Variants in HUNK observed in about 807,000 individuals in gnomAD.
HUNK encodes the protein hormonally up-regulated neu tumor-associated kinase.
HUNK carries 21 observed loss-of-function variants against 61.0 expected under a neutral mutation model. The observed-to-expected ratio is 0.34, with a 90% confidence interval of 0.24 to 0.50. HUNK has a LOEUF of 0.50. Among genes scored for constraint, HUNK ranks in the 20% least tolerant of loss-of-function variants. The pLI is 0.98. For synonymous variants in HUNK, 371 were observed against 386.1 expected (o/e 0.96, Z 0.46); for missense variants, 772 against 945.7 (o/e 0.82, Z 2.41).
At chr21:31,996,011 C>G in intron 10 of HUNK, 63 bp downstream of exon 10, 4 of 1,263,260 alleles carry the variant, frequency 3.2e-6, no homozygotes, top group Non-Finnish European at 4.5e-6. Flanking sequence ...GCTGTGTAGC[C>G]CTCACAGGGG....
intron 1 of HUNK, among the ~76,000 whole-genome samples, chr21:31,894,956 G>A (rs1204449372): frequency 6.6e-6 from 1 of 152,170 alleles, no homozygotes; most frequent in Non-Finnish European, 1.5e-5. Flanking sequence ...CGGAACTCAT[G>A]TTATTACAGT....
At chr21:31,936,233 A>T (rs1051916313) in intron 2 of HUNK, among the ~76,000 whole-genome samples, 2 of 152,238 alleles carry the variant, frequency 1.3e-5, no homozygotes, top group Admixed American at 6.5e-5. Context: ...ATTTATGTCC[A>T]TAAGTTTTCC....
At chr21:31,884,458 G>A (rs994211277) in intron 1 of HUNK, among the ~76,000 whole-genome samples, 1 of 152,006 alleles carries the variant, frequency 6.6e-6, no homozygotes, top group South Asian at 2.1e-4. Flanking sequence ...CAGGCGTGGT[G>A]GTGGGCACCT....
intron 1 of HUNK, among the ~76,000 whole-genome samples, chr21:31,892,162 A>AATATAT (rs1170452661): frequency 9.6e-5 from 11 of 114,040 alleles, no homozygotes; most frequent in African/African-American, 3.8e-4. Flanking sequence ...AAAAAAAAAA[A>AATATAT]ATATATATAT....
At chr21:31,890,694 T>C (rs1381190259) in intron 1 of HUNK, among the ~76,000 whole-genome samples, 1 of 152,228 alleles carries the variant, frequency 6.6e-6, no homozygotes, top group African/African-American at 2.4e-5. Flanking sequence ...TGTTCATCTC[T>C]GAGTCATTCC....
chr21:31,905,131 G>A (rs1273155318), intron 1 of HUNK, among the ~76,000 whole-genome samples: 1 of 151,302 alleles, frequency 6.6e-6, no homozygotes, highest in East Asian at 1.9e-4. Flanking sequence ...GGTGGGCCTC[G>A]ATCCAATCTA....
chr21:31,990,616 A>T (rs997396058), intron 9 of HUNK, among the ~76,000 whole-genome samples: 1 of 151,330 alleles, frequency 6.6e-6, no homozygotes, highest in Non-Finnish European at 1.5e-5. Flanking sequence ...GCTCACTGCA[A>T]CCTCCACCTG....
chr21:31,906,731 A>G (rs767141708), intron 1 of HUNK, among the ~76,000 whole-genome samples: 4 of 150,852 alleles, frequency 2.7e-5, no homozygotes, highest in Non-Finnish European at 5.9e-5. Context: ...CACCTGGCCC[A>G]GACTTTGTGT....
Position 31,995,687 on chromosome 21 carries a change from G to C in HUNK, c.1306-81G>C, listed in dbSNP as rs1250058155. 1.7e-5 allele frequency: 19 copies of C among 1,135,784 alleles called. No homozygotes were observed. The South Asian group carries it at 2.2e-4, about 13-fold the overall frequency. The allele number at this position is 1,135,784 out of a possible 1,614,324, so 70.4% of individuals were successfully genotyped here. A position where few individuals can be genotyped will look rare whatever the true frequency, so the allele number is the denominator to read the frequency against. On this transcript the variant is annotated intron_variant, in intron 9 of 10. Coordinates refer to ENST00000270112, the MANE Select transcript of HUNK (RefSeq NM_014586.2). ...TGAAAAGGTGGAGTTTCTCTAATCA[G>C]TTTGGATGACTTTTCAAAGAGGAAT...
intron 4 of HUNK, among the ~76,000 whole-genome samples, chr21:31,957,450 C>T (rs1340357593): frequency 6.6e-6 from 1 of 152,180 alleles, no homozygotes; most frequent in Non-Finnish European, 1.5e-5. Context: ...GGCTCCAGTA[C>T]CTGTCATTAT....
chr21:31,960,588 A>G (rs866907278), intron 5 of HUNK, among the ~76,000 whole-genome samples: 1 of 151,752 alleles, frequency 6.6e-6, no homozygotes, highest in Non-Finnish European at 1.5e-5. Context: ...ACAGTTCCAC[A>G]TGGCTGGGGA....
intron 10 of HUNK, among the ~76,000 whole-genome samples, 173 bp from the exon 11 acceptor site, chr21:31,998,353 G>C (rs1014141939): frequency 1.3e-5 from 2 of 152,214 alleles, no homozygotes; most frequent in Non-Finnish European, 2.9e-5. Context: ...TCTGTGGGGA[G>C]AGTGACATGC....
At chr21:31,954,767 C>G (rs1047756748) in intron 4 of HUNK, among the ~76,000 whole-genome samples, 1 of 151,886 alleles carries the variant, frequency 6.6e-6, no homozygotes, top group African/African-American at 2.4e-5. Flanking sequence ...CAGGAATGTG[C>G]GTTTTCTTTC....
At chr21:31,994,548 C>A (rs779638703) in intron 9 of HUNK, among the ~76,000 whole-genome samples, 8 of 152,106 alleles carry the variant, frequency 5.3e-5, no homozygotes, top group Admixed American at 3.9e-4. Context: ...TTTTTTCCTC[C>A]TCACCCACGG....
At chr21:31,945,013 C>G (rs944458805) in intron 3 of HUNK, among the ~76,000 whole-genome samples, 1 of 152,078 alleles carries the variant, frequency 6.6e-6, no homozygotes, top group Non-Finnish European at 1.5e-5. Flanking sequence ...AGAATACATT[C>G]GTGAAACTGG....
At chr21:31,935,980 A>G (rs562222737) in intron 2 of HUNK, among the ~76,000 whole-genome samples, 10 of 152,182 alleles carry the variant, frequency 6.6e-5, no homozygotes, top group African/African-American at 2.4e-4. Flanking sequence ...TATTTTTAGT[A>G]GAGACGGGGT....
At chr21:31,988,876 G>A (rs2053152629) in intron 8 of HUNK, among the ~76,000 whole-genome samples, 1 of 144,758 alleles carries the variant, frequency 6.9e-6, no homozygotes, top group Non-Finnish European at 1.5e-5. Flanking sequence ...TCCAGACCAA[G>A]CTGGAGTGCA....
chr21:31,934,571 G>A (rs1352860223), intron 2 of HUNK, among the ~76,000 whole-genome samples: 3 of 151,710 alleles, frequency 2.0e-5, no homozygotes, highest in African/African-American at 4.8e-5. Context: ...GGTATATTGC[G>A]TGATGCTGAG....
At position 31,884,818 on chromosome 21, in the gene HUNK, G is replaced by A. The variant is rs1193682489; in HGVS notation, c.261+10883G>A. On this transcript the variant is annotated intron_variant, in intron 1 of 10. Coordinates refer to ENST00000270112, the MANE Select transcript of HUNK (RefSeq NM_014586.2). ...TTTTGATGGAGTGTCACTCTTTGTC[G>A]GCCAGGCTGGGGTGCAGTGGCACCC... is the stretch of plus-strand genomic sequence containing the variant. Among the ~76,000 whole-genome samples the A allele has an allele frequency of 3.3e-5, 5 of 151,088 alleles. No homozygotes were observed. In the South Asian group the frequency reaches 6.3e-4, roughly 19 times the overall value.
Sources: allele counts gnomAD v4.1 joint callset (sites outside exome capture counted in the v4.1 genomes callset), GRCh38; gene constraint gnomAD v4.1.1; transcripts MANE v1.5; gene names NCBI Gene and HGNC (gene_info 2026-07-23, HGNC 2026-07-21).